Variants in GPM6A observed in about 807,000 individuals in gnomAD.
The protein encoded by GPM6A is neuronal membrane glycoprotein M6-a.
Under a neutral mutation model 32.1 loss-of-function variants are expected in GPM6A, and 7 were observed. The ratio of observed to expected loss-of-function variants is 0.22; its 90% CI spans 0.12 to 0.41. The LOEUF (loss-of-function observed/expected upper bound fraction) is 0.41. GPM6A is among the 10% of genes least tolerant of loss of function. The pLI is 1.00. For synonymous variants in GPM6A, 130 were observed against 123.4 expected, an observed-to-expected ratio of 1.05 and a Z score of -0.35; for missense variants, 235 against 347.2, an observed-to-expected ratio of 0.68 and a Z score of 2.57.
chr4:175,931,073 T>A (rs1402993749), intron 1 of GPM6A, among the ~76,000 whole-genome samples: 3 of 152,266 alleles, frequency 2.0e-5, no homozygotes, highest in Middle Eastern at 3.4e-3. Context: ...TGTCTCTGTA[T>A]GGTAATCATT....
intron 1 of GPM6A, among the ~76,000 whole-genome samples, chr4:175,854,706 C>T (rs1027855009): frequency 6.6e-6 from 1 of 152,126 alleles, no homozygotes; most frequent in Non-Finnish European, 1.5e-5. Flanking sequence ...ACGGAGAATA[C>T]GGAGAGACCT....
chr4:175,806,327 C>T (rs1405489835), intron 1 of GPM6A, among the ~76,000 whole-genome samples: 1 of 152,206 alleles, frequency 6.6e-6, no homozygotes, highest in Non-Finnish European at 1.5e-5. Flanking sequence ...ATCTATCACG[C>T]TGTACTTCTC....
intron 1 of GPM6A, among the ~76,000 whole-genome samples, chr4:175,751,982 C>T (rs939750154): frequency 6.6e-6 from 1 of 152,086 alleles, no homozygotes; most frequent in Non-Finnish European, 1.5e-5. Context: ...AAACAGGAGT[C>T]AATTGATGTT....
At chr4:175,894,055 G>A (rs1437160407) in intron 1 of GPM6A, among the ~76,000 whole-genome samples, 1 of 152,022 alleles carries the variant, frequency 6.6e-6, no homozygotes, top group East Asian at 1.9e-4. Context: ...TTATTTCAGA[G>A]ACCCCTTAAC....
chr4:175,894,809 A>C (rs1474940253), intron 1 of GPM6A, among the ~76,000 whole-genome samples: 1 of 152,098 alleles, frequency 6.6e-6, no homozygotes, highest in African/African-American at 2.4e-5. Flanking sequence ...TATTATACAA[A>C]GAATACATGA....
At chr4:175,872,093 C>T (rs1487293650) in intron 1 of GPM6A, among the ~76,000 whole-genome samples, 1 of 152,126 alleles carries the variant, frequency 6.6e-6, no homozygotes, top group Non-Finnish European at 1.5e-5. Context: ...TTGGCCTTTC[C>T]TTCTCCTCCT....
intron 1 of GPM6A, among the ~76,000 whole-genome samples, chr4:175,881,919 A>G (rs1737291701): frequency 6.6e-6 from 1 of 152,194 alleles, no homozygotes; most frequent in Non-Finnish European, 1.5e-5. Flanking sequence ...CAGCACATCA[A>G]CATGGCACAT....
intron 1 of GPM6A, among the ~76,000 whole-genome samples, chr4:175,776,405 A>G (rs1375604856): frequency 6.6e-6 from 1 of 152,166 alleles, no homozygotes; most frequent in East Asian, 1.9e-4. Flanking sequence ...TGAGGAACGG[A>G]ATCAGGAAGG....
chr4:175,877,915 T>A (rs1737136737), intron 1 of GPM6A, among the ~76,000 whole-genome samples: 1 of 152,190 alleles, frequency 6.6e-6, no homozygotes, highest in African/African-American at 2.4e-5. Context: ...AGTTAGTTAC[T>A]TCCTAGATAC....
At chr4:175,809,323 G>A (rs532749400) in intron 1 of GPM6A, among the ~76,000 whole-genome samples, 17 of 151,600 alleles carry the variant, frequency 1.1e-4, no homozygotes, top group Non-Finnish European at 1.9e-4. Context: ...GGTGACAGAT[G>A]ATGCTAGGTT....
At chr4:175,768,778 T>A (rs999651511) in intron 1 of GPM6A, among the ~76,000 whole-genome samples, 7 of 152,088 alleles carry the variant, frequency 4.6e-5, no homozygotes, top group African/African-American at 1.7e-4. Context: ...TAGACATTAA[T>A]GTGTAGTGCA....
chr4:175,784,764 T>G (rs1219904703), intron 1 of GPM6A, among the ~76,000 whole-genome samples: 1 of 152,068 alleles, frequency 6.6e-6, no homozygotes, highest in Non-Finnish European at 1.5e-5. Flanking sequence ...TATATGAGAA[T>G]GAACAGTATT....
chr4:175,730,726 G>T (rs1293509112), intron 1 of GPM6A, among the ~76,000 whole-genome samples: 1 of 151,916 alleles, frequency 6.6e-6, no homozygotes, highest in African/African-American at 2.4e-5. Context: ...CACCCGCCTC[G>T]GCCTCCCAAA....
At chr4:175,663,601 A>G (rs1337719762) in intron 3 of GPM6A, among the ~76,000 whole-genome samples, 1 of 152,180 alleles carries the variant, frequency 6.6e-6, no homozygotes, top group African/African-American at 2.4e-5. Context: ...CACAATGTAT[A>G]CATATTTGAA....
intron 1 of GPM6A, among the ~76,000 whole-genome samples, chr4:175,895,587 A>G (rs1334130784): frequency 6.6e-6 from 1 of 152,194 alleles, no homozygotes; most frequent in Non-Finnish European, 1.5e-5. Context: ...AAATTTAAAC[A>G]GATGACATGT....
rs1740408738 is a variant in GPM6A, at chr4:175,633,387, A to C, written c.*1518T>G. 6.6e-6 allele frequency: 1 copy of C among 152,394 alleles called. No homozygotes were observed. Among genetic ancestry groups the C allele is most frequent in the Admixed American group, 6.6e-5 (1 of 15,232 alleles). 9.4% of individuals were successfully genotyped at this position (152,394 alleles called of 1,614,324 possible). A position where few individuals can be genotyped will look rare whatever the true frequency, so the allele number is the denominator to read the frequency against. On this transcript the variant is annotated 3_prime_UTR_variant, in exon 7 of 7. Coordinates refer to ENST00000393658, the MANE Select transcript of GPM6A (RefSeq NM_201591.3). ...ACAGATATCCCTAGTAGTACCCCCT[A>C]CCTACTACAAGAACTTGTAAAATTA...
intron 1 of GPM6A, among the ~76,000 whole-genome samples, chr4:175,931,531 T>C (rs541638803): frequency 1.3e-5 from 2 of 151,994 alleles, no homozygotes; most frequent in Admixed American, 1.3e-4. Flanking sequence ...TTTTAAAATG[T>C]TGAAGAAATA....
intron 6 of GPM6A, among the ~76,000 whole-genome samples, chr4:175,637,365 A>T (rs1187853726): frequency 1.3e-4 from 10 of 76,566 alleles, no homozygotes; most frequent in African/African-American, 5.6e-4. Context: ...ATAATATATA[A>T]CATATAATAT....
intron 2 of GPM6A, among the ~76,000 whole-genome samples, chr4:175,676,144 C>G (rs554687578): frequency 6.6e-6 from 1 of 152,096 alleles, no homozygotes; most frequent in African/African-American, 2.4e-5. Flanking sequence ...GTTTGCTTCC[C>G]CTTCCACCAT....
Sources: allele counts gnomAD v4.1 joint callset (sites outside exome capture counted in the v4.1 genomes callset), GRCh38; gene constraint gnomAD v4.1.1; transcripts MANE v1.5; gene names NCBI Gene and HGNC (gene_info 2026-07-23, HGNC 2026-07-21).